BIRC6: variants seen among roughly 807,000 people sequenced by gnomAD.
BIRC6 encodes dual E2 ubiquitin-conjugating enzyme/E3 ubiquitin-protein ligase BIRC6.
A neutral mutation model predicts 503.3 loss-of-function variants in BIRC6; 98 were observed. The ratio of observed to expected loss-of-function variants is 0.19; its 90% CI spans 0.17 to 0.23. BIRC6 has a LOEUF of 0.23. Ranked by LOEUF, BIRC6 falls within the 10% of genes least tolerant of loss-of-function variation. The pLI, the probability that BIRC6 is intolerant of heterozygous loss-of-function variation, is 1.00. For missense variants in BIRC6, 5,360 were observed against 5,806.0 expected (o/e 0.92, Z 2.50); for synonymous variants, 2,240 against 2,078.7 (o/e 1.08, Z -2.11).
At position 32,393,622 on chromosome 2, in the gene BIRC6, C is replaced by G. The variant is rs2039518425; in HGVS notation, c.951+1472C>G. On this transcript the variant is annotated intron_variant, in intron 5 of 73. Coordinates refer to ENST00000421745, the MANE Select transcript of BIRC6 (RefSeq NM_016252.4). ...GCTCACTGCAGCCTCAGCTTCCAAA[C>G]AATTCTCCCACCTTAGCCCCTCAAG... Among the ~76,000 whole-genome samples the G allele has an allele frequency of 3.3e-5, 5 of 152,196 alleles. No homozygotes were observed. In the South Asian group the frequency reaches 1.0e-3, roughly 32 times the overall value.
rs779560234 is a variant in BIRC6, at chr2:32,464,533, C to T, written c.4966C>T (p.His1656Tyr). The T allele has an allele frequency of 4.4e-6, 7 of 1,583,234 alleles. No individual in the cohort carries two copies. The highest frequency in any genetic ancestry group is 1.7e-4 in the Middle Eastern group (1 of 6,018). The change falls in exon 25 of 74, where the codon CAT (histidine) becomes TAT (tyrosine). Residue 1656 changes from histidine (H) to tyrosine (Y), a missense_variant. By Grantham distance (83) the His-to-Tyr change is moderately conservative. This residue lies in a region of BIRC6 where 2,299 missense variants were observed against 2,267.2 expected (regional missense o/e 1.01). Transcript: ENST00000421745. ...QQKAKLEAKL[H>Y]QTTAAAAAAA... ...GAAAGCAAAGCTGGAAGCCAAGTTA[C>T]ATCAGACAACAGCTGCAGCAGCTGC... is the stretch of plus-strand genomic sequence containing the variant.
chr2:32,461,066 T>TCTTCC (rs1263075312), intron 23 of BIRC6, among the ~76,000 whole-genome samples: 1 of 50,334 alleles, frequency 2.0e-5, no homozygotes, highest in Non-Finnish European at 4.8e-5. Context: ...TCTTCTCTTC[T>TCTTCC]GTTCTCCTCT....
intron 66 of BIRC6, among the ~76,000 whole-genome samples, chr2:32,576,152 G>A (rs1285256171): frequency 2.0e-5 from 3 of 152,164 alleles, no homozygotes; most frequent in Non-Finnish European, 4.4e-5. Flanking sequence ...TTTGGTGCTT[G>A]CAGAAATCTC....
At chr2:32,452,386 T>A (rs985814636) in intron 22 of BIRC6, among the ~76,000 whole-genome samples, 1 of 152,190 alleles carries the variant, frequency 6.6e-6, no homozygotes, top group East Asian at 1.9e-4. Context: ...AATGAATTAA[T>A]ATTTAAATTT....
intron 10 of BIRC6, among the ~76,000 whole-genome samples, chr2:32,416,592 T>G (rs1221225143): frequency 6.6e-6 from 1 of 152,090 alleles, no homozygotes; most frequent in East Asian, 1.9e-4. Flanking sequence ...TTATTGGTCC[T>G]TATTTCCTTC....
rs2046965019 is a variant in BIRC6 at position 32,453,829 on chromosome 2, G to C, written c.4640G>C (p.Cys1547Ser). ...TTAGGAAATGGAAAGGTCAGTAGTTGCACAGCTGCTGAGGGTAGTTTCACA... is the reference window on the plus strand; with the variant it reads ...TTAGGAAATGGAAAGGTCAGTAGTTCCACAGCTGCTGAGGGTAGTTTCACA... ...VLSGNGKVSSCTAAEGSFTSL... is the reference protein window; with the variant it reads ...VLSGNGKVSSSTAAEGSFTSL... The change falls in exon 23 of 74, where the codon TGC becomes TCC. Residue 1547 changes from cysteine (C) to serine (S), a missense_variant. Coordinates refer to ENST00000421745, the MANE Select transcript of BIRC6 (RefSeq NM_016252.4). 3 of 1,613,718 alleles carry C rather than the reference G, an allele frequency of 1.9e-6. No homozygotes were observed. In the East Asian group the frequency reaches 6.7e-5, roughly 36 times the overall value.
intron 45 of BIRC6, among the ~76,000 whole-genome samples, chr2:32,497,878 A>G (rs975954448): frequency 6.6e-6 from 1 of 152,138 alleles, no homozygotes; most frequent in African/African-American, 2.4e-5. Context: ...ATTGGTCTAT[A>G]TAGACTATAT....
chr2:32,383,096 G>T (rs1393249899), intron 3 of BIRC6, among the ~76,000 whole-genome samples: 2 of 151,842 alleles, frequency 1.3e-5, no homozygotes, highest in African/African-American at 4.8e-5. Flanking sequence ...ACCCAGGCTG[G>T]AGTGCAGTGG....
At chr2:32,450,834 C>T (rs2046631197) in intron 22 of BIRC6, among the ~76,000 whole-genome samples, 1 of 152,120 alleles carries the variant, frequency 6.6e-6, no homozygotes. Context: ...ACTTATAATA[C>T]CTAATACGAT....
chr2:32,556,143 A>G (rs1243832415), intron 65 of BIRC6, among the ~76,000 whole-genome samples: 1 of 152,194 alleles, frequency 6.6e-6, no homozygotes, highest in African/African-American at 2.4e-5. Flanking sequence ...TTATCAACAA[A>G]TGTTAATTCC....
intron 10 of BIRC6, among the ~76,000 whole-genome samples, chr2:32,422,788 T>G (rs1444273601): frequency 6.6e-6 from 1 of 152,172 alleles, no homozygotes; most frequent in South Asian, 2.1e-4. Context: ...TGTAGATCAT[T>G]TAATTTTCAC....
Position 32,470,228 on chromosome 2 carries a change from A to T in BIRC6, c.6408A>T (p.Glu2136Asp), listed in dbSNP as rs774870718. 1.3e-6 allele frequency: 2 copies of T among 1,572,294 alleles called. No homozygotes were observed. The highest frequency in any genetic ancestry group is 3.7e-5 in the Admixed American group (2 of 53,698). ...QRSLSNSGVL[E>D]SLLNLLDNLL... ...CACTTAGTAATAGTGGAGTATTAGA[A>T]AGCTTACTTAATCTCTTGGATAATT... The change falls in exon 31 of 74, where the codon GAA (glutamate) becomes GAT (aspartate). Residue 2136 changes from glutamate to aspartate, a missense_variant. Physicochemically the swap from Glu to Asp is conservative, Grantham distance 45. Transcript: ENST00000421745.
At chr2:32,517,195 G>A (rs1386908694) in intron 55 of BIRC6, among the ~76,000 whole-genome samples, 1 of 151,998 alleles carries the variant, frequency 6.6e-6, no homozygotes, top group African/African-American at 2.4e-5. Context: ...ACCAAAATTA[G>A]CCGGGCATGG....
intron 2 of BIRC6, among the ~76,000 whole-genome samples, chr2:32,378,140 A>T (rs1463127104): frequency 6.6e-6 from 1 of 152,106 alleles, no homozygotes; most frequent in East Asian, 1.9e-4. Context: ...CAGCTGCTCT[A>T]GGTGTCATTA....
At chr2:32,463,073 T>G in intron 23 of BIRC6, 121 bp from the exon 24 acceptor site, 1 of 720,112 alleles carries the variant, frequency 1.4e-6, no homozygotes, top group Non-Finnish European at 2.1e-6. Context: ...TTTTTTAGAA[T>G]GAAAATTAAC....
At chr2:32,465,254 T>TG in intron 26 of BIRC6, 90 bp downstream of exon 26, 1 of 647,968 alleles carries the variant, frequency 1.5e-6, no homozygotes, top group Non-Finnish European at 2.5e-6. Flanking sequence ...GTTCGATTTT[T>TG]TTTTTTTTTT....
At chr2:32,491,311 T>C in intron 43 of BIRC6, 114 bp from the exon 44 acceptor site, 1 of 1,061,868 alleles carries the variant, frequency 9.4e-7, no homozygotes, top group Non-Finnish European at 1.3e-6. Flanking sequence ...TTTAATAAAC[T>C]GTAATTACTA....
At chr2:32,496,504 G>A (rs191521672) in intron 45 of BIRC6, among the ~76,000 whole-genome samples, 148 of 152,194 alleles carry the variant, frequency 9.7e-4, no homozygotes, top group Non-Finnish European at 1.2e-3. Flanking sequence ...GTTTACAAGC[G>A]TGAGCCACCA....
chr2:32,398,570 C>G (rs550922393), intron 6 of BIRC6, among the ~76,000 whole-genome samples: 7 of 152,092 alleles, frequency 4.6e-5, no homozygotes, highest in Non-Finnish European at 1.0e-4. Flanking sequence ...ACTTCCACAT[C>G]ATGTATTTTC....
Sources: gnomAD v4.1 joint callset for allele counts (sites outside exome capture counted in the v4.1 genomes callset) on GRCh38, gnomAD v4.1.1 for gene constraint, gnomAD v4.1.1 regional missense constraint, MANE v1.5 for transcripts, NCBI Gene and HGNC (gene_info 2026-07-23, HGNC 2026-07-21) for gene names.